PIK3CG: variants seen among roughly 807,000 people sequenced by gnomAD.
PIK3CG encodes phosphatidylinositol-4,5-bisphosphate 3-kinase catalytic subunit gamma.
A neutral mutation model predicts 102.3 loss-of-function variants in PIK3CG; 55 were observed. The ratio of observed to expected loss-of-function variants is 0.54; its 90% CI spans 0.43 to 0.67. The LOEUF (loss-of-function observed/expected upper bound fraction) is 0.67. PIK3CG is among the 30% of genes least tolerant of loss of function. PIK3CG has a pLI of 0.00. For missense variants in PIK3CG, 1,258 were observed against 1,391.8 expected (o/e 0.90, Z 1.53); for synonymous variants, 552 against 540.0 (o/e 1.02, Z -0.31).
At position 106,895,981 on chromosome 7, in the gene PIK3CG, C is replaced by T. The variant is rs542399577; in HGVS notation, c.3031-9128C>T. On this transcript the variant is annotated intron_variant, in intron 10 of 10. Coordinates refer to ENST00000496166, the MANE Select transcript of PIK3CG (RefSeq NM_001282426.2). This position sits in a 1 kb window ranked among gnomAD's most constrained non-coding sequence, Gnocchi z 5.4. ...GCTGCACCAAGTCTCTAAGTGTGTA[C>T]AGCCCATCAGAATCTCGACACTGTG... is the stretch of plus-strand genomic sequence containing the variant. Among the ~76,000 whole-genome samples the T allele has an allele frequency of 6.6e-6, 1 of 152,194 alleles. No individual in the cohort carries two copies. Among genetic ancestry groups the T allele is most frequent in the Non-Finnish European group, 1.5e-5 (1 of 68,042 alleles).
At position 106,905,292 on chromosome 7, in the gene PIK3CG, A is replaced by G. The variant is rs1475518527; in HGVS notation, c.3214A>G (p.Ile1072Val). 2 of 1,614,124 alleles carry G rather than the reference A, an allele frequency of 1.2e-6. No homozygotes were observed. The highest frequency in any genetic ancestry group is 1.7e-6 in the Non-Finnish European group (2 of 1,179,984). ...EDAKKYFLDQ[I>V]EVCRDKGWTV... is the part of the protein sequence containing the mutation. Reference sequence around the variant, plus strand: ...TGCTAAAAAGTATTTTCTTGATCAGATCGAAGTTTGCAGAGACAAAGGATG... The same window carrying G: ...TGCTAAAAAGTATTTTCTTGATCAGGTCGAAGTTTGCAGAGACAAAGGATG... Residue 1072 changes from isoleucine to valine, a missense_variant, in exon 11 of 11, where the codon ATC becomes GTC. Ile to Val is a conservative substitution (Grantham distance 29, BLOSUM62 3). This residue lies in a region of PIK3CG where 426 missense variants were observed against 604.2 expected (regional missense o/e 0.71). Transcript: ENST00000496166. The surrounding 1 kb of genome is among the most constrained non-coding windows in gnomAD (Gnocchi z 5.6).
chr7:106,876,174 A>G (rs62482164), intron 5 of PIK3CG, among the ~76,000 whole-genome samples: 49,888 of 151,044 alleles, frequency 0.33, 8,713 homozygotes, highest in East Asian at 0.43. Flanking sequence ...TCGGCCTCCC[A>G]AAGTGCTGGG....
intron 1 of PIK3CG, among the ~76,000 whole-genome samples, chr7:106,866,635 A>T (rs3757714): frequency 0.083 from 12,683 of 152,272 alleles, 727 homozygotes; most frequent in South Asian, 0.23. Context: ...TAATTAATTA[A>T]ACAATGTTAA....
rs545516355 is a variant in PIK3CG at position 106,896,453 on chromosome 7, G to C, written c.3031-8656G>C. On this transcript the variant is annotated intron_variant, in intron 10 of 10. Transcript: ENST00000496166. ...CCCCATCTATGTCCTTGTGAAAATT[G>C]TGCAAGTTGGCAAATTAATGAGGCT... is the stretch of plus-strand genomic sequence containing the variant. Among the ~76,000 whole-genome samples, 52 of 152,294 alleles carry C rather than the reference G, an allele frequency of 3.4e-4. 1 individual carries two copies. The South Asian group carries it at 9.7e-3, about 29-fold the overall frequency.
intron 1 of PIK3CG, among the ~76,000 whole-genome samples, chr7:106,866,883 A>G (rs1299305737): frequency 6.6e-6 from 1 of 152,236 alleles, no homozygotes; most frequent in Non-Finnish European, 1.5e-5. Context: ...GAAATTTATT[A>G]GGGAGTAGAT....
intron 2 of PIK3CG, among the ~76,000 whole-genome samples, chr7:106,870,854 AG>A (rs1584320620): frequency 1.3e-5 from 2 of 152,184 alleles, no homozygotes; most frequent in East Asian, 3.8e-4. Flanking sequence ...TATATTCAGT[AG>A]TTTTTTCACT....
Position 106,874,688 on chromosome 7 carries a change from T to C in PIK3CG, c.2288-12T>C, listed in dbSNP as rs1480099797. ...AACTCACATAACTCTTGTGTACTTT[T>C]GACAATTACAGTTATTTCACAACTT... On this transcript the variant is annotated splice_polypyrimidine_tract_variant and intron_variant, in intron 4 of 10. Coordinates refer to ENST00000496166, the MANE Select transcript of PIK3CG (RefSeq NM_001282426.2). The surrounding 1 kb of genome is among the most constrained non-coding windows in gnomAD (Gnocchi z 4.3). 6.5e-7 allele frequency: 1 copy of C among 1,550,248 alleles called. No individual in the cohort carries two copies. The highest frequency in any genetic ancestry group is 2.2e-5 in the East Asian group (1 of 44,608).
rs773788683 is a variant in PIK3CG at position 106,872,791 on chromosome 7, G to A, written c.2140G>A (p.Ala714Thr). 1.7e-5 allele frequency: 28 copies of A among 1,614,010 alleles called. No homozygotes were observed. The highest frequency in any genetic ancestry group is 1.5e-4 in the Admixed American group (9 of 60,000). The change falls in exon 4 of 11, where the codon GCT becomes ACT. Residue 714 changes from alanine (A) to threonine (T), a missense_variant. Around this residue, in one of 2 missense-constraint regions of PIK3CG, gnomAD observed 426 missense variants for 604.2 expected, o/e 0.71. Transcript: ENST00000496166. This position sits in a 1 kb window ranked among gnomAD's most constrained non-coding sequence, Gnocchi z 5.3. ...AQSRHYQQRF[A>T]VILEAYLRGC... ...GTCCAGACACTATCAGCAGAGGTTCGCTGTGATTCTGGAAGCCTATCTGAG... is the reference window on the plus strand; with the variant it reads ...GTCCAGACACTATCAGCAGAGGTTCACTGTGATTCTGGAAGCCTATCTGAG...
At position 106,895,939 on chromosome 7, in the gene PIK3CG, A is replaced by G. The variant is rs553408819; in HGVS notation, c.3031-9170A>G. Among the ~76,000 whole-genome samples, 7 of 152,330 alleles carry G rather than the reference A, an allele frequency of 4.6e-5. No homozygotes were observed. Among genetic ancestry groups the G allele is most frequent in the African/African-American group, 1.7e-4 (7 of 41,584 alleles). On this transcript the variant is annotated intron_variant, in intron 10 of 10. Transcript: ENST00000496166. The surrounding 1 kb of genome is among the most constrained non-coding windows in gnomAD (Gnocchi z 5.4). ...TAACCACCACAGCACACTGCCTTTCAGCAAAGGCTGATTAAAGCTGCACCA... is the reference window on the plus strand; with the variant it reads ...TAACCACCACAGCACACTGCCTTTCGGCAAAGGCTGATTAAAGCTGCACCA...
In PIK3CG at chr7:106,869,097, C is replaced by T. The variant is rs759593617; in HGVS notation, c.1536C>T (p.Asn512=). 7 of 1,614,100 alleles carry T rather than the reference C, an allele frequency of 4.3e-6. No homozygotes were observed. In the East Asian group the frequency reaches 8.9e-5, roughly 21 times the overall value. ...CTGCAACTAACCCAGACAAGGAGAA[C>T]TCAATGTCCATCTCCATTCTTCTGG... ...LTSATNPDKE[N]SMSISILLDN... is the part of the protein sequence containing the mutation. Residue 512 remains asparagine (N), a synonymous_variant, in exon 2 of 11, where the codon AAC becomes AAT. Coordinates refer to ENST00000496166, the MANE Select transcript of PIK3CG (RefSeq NM_001282426.2). This position sits in a 1 kb window ranked among gnomAD's most constrained non-coding sequence, Gnocchi z 5.3.
At chr7:106,887,180 T>G (rs886467227) in intron 10 of PIK3CG, among the ~76,000 whole-genome samples, 5 of 152,190 alleles carry the variant, frequency 3.3e-5, no homozygotes, top group Non-Finnish European at 5.9e-5. Flanking sequence ...CAAAGAGAAT[T>G]AAATACTGGC....
At chr7:106,866,400 A>C (rs849388) in intron 1 of PIK3CG, among the ~76,000 whole-genome samples, 1 of 152,150 alleles carries the variant, frequency 6.6e-6, no homozygotes, top group African/African-American at 2.4e-5. Context: ...CTATTTATAC[A>C]TAAGTGCTTT....
chr7:106,866,893 T>C (rs575198972), intron 1 of PIK3CG, among the ~76,000 whole-genome samples: 2 of 152,284 alleles, frequency 1.3e-5, no homozygotes, highest in African/African-American at 4.8e-5. Flanking sequence ...AGGGAGTAGA[T>C]CCTAGGTCCA....
chr7:106,875,380 A>G (rs1790690378), intron 5 of PIK3CG, among the ~76,000 whole-genome samples: 1 of 146,894 alleles, frequency 6.8e-6, no homozygotes, highest in African/African-American at 2.5e-5. Context: ...AAAAAAGTAG[A>G]ATTCAGTGAG....
chr7:106,897,289 TA>T lies in PIK3CG; in HGVS notation c.3031-7819del, dbSNP rs2116596731. Among the ~76,000 whole-genome samples the T allele has an allele frequency of 6.6e-6, 1 of 152,356 alleles. No homozygotes were observed. The highest frequency in any genetic ancestry group is 2.1e-4 in the South Asian group (1 of 4,834). ...CAAAATTATTCAGTATTTTTAAAGA[TA>T]GATTCCTAGCATGGAAGTTGCTGGG... On this transcript the variant is annotated intron_variant, in intron 10 of 10. Coordinates refer to ENST00000496166, the MANE Select transcript of PIK3CG (RefSeq NM_001282426.2). The surrounding 1 kb of genome is among the most constrained non-coding windows in gnomAD (Gnocchi z 4.6).
Position 106,872,445 on chromosome 7 carries a change from T to TA in PIK3CG, c.1996-89dup, listed in dbSNP as rs1584322186. 29 of 988,122 alleles carry TA rather than the reference T, an allele frequency of 2.9e-5. No homozygotes were observed. In the East Asian group the frequency reaches 6.4e-4, roughly 22 times the overall value. 61.2% of individuals were successfully genotyped at this position (988,122 alleles called of 1,614,324 possible). ...CATCTTTCTAGCCGTGAAGACCCAGTAAAGCAGAGCACCAGTTCTTCTCCA... is the reference window on the plus strand; with the variant it reads ...CATCTTTCTAGCCGTGAAGACCCAGTAAAAGCAGAGCACCAGTTCTTCTCCA... On this transcript the variant is annotated intron_variant, in intron 2 of 10. Coordinates refer to ENST00000496166, the MANE Select transcript of PIK3CG (RefSeq NM_001282426.2). This position sits in a 1 kb window ranked among gnomAD's most constrained non-coding sequence, Gnocchi z 5.3.
chr7:106,896,017 A>T (rs914739650), intron 10 of PIK3CG, among the ~76,000 whole-genome samples: 9 of 152,230 alleles, frequency 5.9e-5, no homozygotes, highest in African/African-American at 2.2e-4. Context: ...TTTGACAAGC[A>T]TGGGACGTGC....
In PIK3CG at chr7:106,872,592, G is replaced by A. The variant is rs765837588; in HGVS notation, c.2051G>A (p.Arg684His). ...DSALARFLLK[R>H]GLRNKRIGHF... ...GCCCTTGCCAGATTTCTGCTGAAGCGTGGTTTAAGAGTAAGTACTTCCATT... is the reference window on the plus strand; with the variant it reads ...GCCCTTGCCAGATTTCTGCTGAAGCATGGTTTAAGAGTAAGTACTTCCATT... The change falls in exon 3 of 11, where the codon CGT becomes CAT. Residue 684 changes from arginine to histidine, a missense_variant. By Grantham distance (29) the Arg-to-His change is conservative (BLOSUM62 0). This residue lies in a region of PIK3CG where 426 missense variants were observed against 604.2 expected (regional missense o/e 0.71). Coordinates refer to ENST00000496166, the MANE Select transcript of PIK3CG (RefSeq NM_001282426.2). This position sits in a 1 kb window ranked among gnomAD's most constrained non-coding sequence, Gnocchi z 5.3. The A allele has an allele frequency of 1.5e-5, 25 of 1,613,742 alleles. No homozygotes were observed. Among genetic ancestry groups the A allele is most frequent in the South Asian group, 1.1e-4 (10 of 91,078 alleles).
rs1791715379 is a variant in PIK3CG, at chr7:106,907,458, T to C, written c.*2071T>C. Among the ~76,000 whole-genome samples, 1 of 152,144 alleles carries C rather than the reference T, an allele frequency of 6.6e-6. No individual in the cohort carries two copies. The highest frequency in any genetic ancestry group is 2.4e-5 in the African/African-American group (1 of 41,436). ...TATCTATAAATGGAGGATAAACATT[T>C]TGTGGCACTTCTGGACCAACTATTC... On this transcript the variant is annotated 3_prime_UTR_variant, in exon 11 of 11. Coordinates refer to ENST00000496166, the MANE Select transcript of PIK3CG (RefSeq NM_001282426.2).
Sources: gnomAD v4.1 joint callset for allele counts (sites outside exome capture counted in the v4.1 genomes callset) on GRCh38, gnomAD v4.1.1 for gene constraint, gnomAD v4.1.1 regional missense constraint, Gnocchi (gnomAD v3.1) non-coding constraint, MANE v1.5 for transcripts, NCBI Gene and HGNC (gene_info 2026-07-23, HGNC 2026-07-21) for gene names.